ESRRG: variants seen among roughly 807,000 people sequenced by gnomAD.
ESRRG encodes the protein estrogen-related receptor gamma.
In ESRRG, 13 loss-of-function variants were observed where a neutral mutation model predicts 44.0. That is an observed-to-expected ratio of 0.30 (90% CI 0.19 to 0.47). The LOEUF (loss-of-function observed/expected upper bound fraction) is 0.47. ESRRG is among the 20% of genes least tolerant of loss of function. The pLI, the probability that ESRRG is intolerant of heterozygous loss-of-function variation, is 1.00. For synonymous variants in ESRRG, 215 were observed against 214.6 expected (o/e 1.00, Z -0.02); for missense variants, 395 against 580.6 (o/e 0.68, Z 3.29).
At chr1:216,768,092 G>T (rs746183609) in intron 2 of ESRRG, among the ~76,000 whole-genome samples, 1 of 152,070 alleles carries the variant, frequency 6.6e-6, no homozygotes, top group Non-Finnish European at 1.5e-5. Flanking sequence ...AAAGGAAGGG[G>T]TTATAATCAC....
intron 2 of ESRRG, among the ~76,000 whole-genome samples, chr1:216,801,971 A>G (rs1327281575): frequency 1.3e-5 from 2 of 152,270 alleles, no homozygotes; most frequent in East Asian, 3.9e-4. Context: ...TAAAAAGGAG[A>G]GACAAAAATG....
rs994424871 is a variant in ESRRG at position 216,560,293 on chromosome 1, A to C, written c.862+3926T>G. Among the ~76,000 whole-genome samples the C allele has an allele frequency of 6.8e-4, 103 of 152,280 alleles. 1 individual carries two copies. Among genetic ancestry groups the C allele is most frequent in the African/African-American group, 2.3e-3 (97 of 41,584 alleles). On this transcript the variant is annotated intron_variant, in intron 5 of 6. Transcript: ENST00000408911. Reference sequence around the variant, plus strand: ...ACTGAGGCCCCCCAAACTTGAGCAAAGTCCTCCTTCTTCAATGGGTAATTA... The same window carrying C: ...ACTGAGGCCCCCCAAACTTGAGCAACGTCCTCCTTCTTCAATGGGTAATTA...
chr1:216,967,702 T>C (rs1339974252), intron 1 of ESRRG, among the ~76,000 whole-genome samples: 2 of 152,228 alleles, frequency 1.3e-5, no homozygotes, highest in Non-Finnish European at 2.9e-5. Context: ...TAAGCATATG[T>C]GTGCATATTT....
intron 5 of ESRRG, among the ~76,000 whole-genome samples, chr1:216,528,142 C>T (rs2048243421): frequency 6.6e-6 from 1 of 152,206 alleles, no homozygotes; most frequent in Non-Finnish European, 1.5e-5. Context: ...CCCTCACCCA[C>T]AGAAAATACA....
At chr1:217,040,413 C>A (rs2083638601) in intron 1 of ESRRG, among the ~76,000 whole-genome samples, 1 of 152,022 alleles carries the variant, frequency 6.6e-6, no homozygotes, top group Non-Finnish European at 1.5e-5. Flanking sequence ...AGAAAAATAT[C>A]CCCCTTTTTT....
intron 2 of ESRRG, among the ~76,000 whole-genome samples, chr1:216,774,878 TG>T (rs1305178517): frequency 6.8e-6 from 1 of 146,628 alleles, no homozygotes; most frequent in African/African-American, 2.5e-5. Flanking sequence ...CACAGCTCAC[TG>T]AAGCTTTGGA....
At chr1:216,868,958 T>A (rs1026621232) in intron 2 of ESRRG, among the ~76,000 whole-genome samples, 4 of 152,226 alleles carry the variant, frequency 2.6e-5, no homozygotes, top group Non-Finnish European at 5.9e-5. Context: ...TTATTTACTC[T>A]TGTTATGAGA....
At chr1:216,706,601 A>T (rs1183736554) in intron 1 of ESRRG, among the ~76,000 whole-genome samples, 2 of 152,230 alleles carry the variant, frequency 1.3e-5, no homozygotes, top group African/African-American at 2.4e-5. Flanking sequence ...CAACATCATG[A>T]TGCCAAGCTA....
intron 1 of ESRRG, among the ~76,000 whole-genome samples, chr1:217,130,640 T>C (rs1435893271): frequency 6.6e-6 from 1 of 152,216 alleles, no homozygotes; most frequent in African/African-American, 2.4e-5. Context: ...GTAGGAGTTT[T>C]CTCTCTTCTA....
chr1:217,051,735 A>G (rs1214697317), intron 1 of ESRRG, among the ~76,000 whole-genome samples: 5 of 152,146 alleles, frequency 3.3e-5, no homozygotes, highest in African/African-American at 9.7e-5. Context: ...AACTTATCCC[A>G]TCTGGAGTCC....
chr1:217,025,692 T>C (rs1560513015), intron 1 of ESRRG, among the ~76,000 whole-genome samples: 1 of 152,200 alleles, frequency 6.6e-6, no homozygotes, highest in African/African-American at 2.4e-5. Context: ...ACAGCCCCTA[T>C]CTACTTTATA....
chr1:216,696,429 T>C (rs2080171069), intron 1 of ESRRG, among the ~76,000 whole-genome samples: 1 of 152,168 alleles, frequency 6.6e-6, no homozygotes, highest in African/African-American at 2.4e-5. Context: ...ACTCAGTAAG[T>C]GCCATGATGT....
At chr1:217,040,747 A>G (rs1240932525) in intron 1 of ESRRG, among the ~76,000 whole-genome samples, 1 of 152,170 alleles carries the variant, frequency 6.6e-6, no homozygotes, top group Non-Finnish European at 1.5e-5. Flanking sequence ...ATAACACACT[A>G]TTAGCAAAAA....
intron 3 of ESRRG, among the ~76,000 whole-genome samples, chr1:216,643,496 G>C (rs1458180358): frequency 6.6e-6 from 1 of 152,150 alleles, no homozygotes; most frequent in African/African-American, 2.4e-5. Context: ...TGGCAATTCT[G>C]GATGGATTTA....
intron 1 of ESRRG, among the ~76,000 whole-genome samples, chr1:217,123,456 A>G (rs1257499887): frequency 2.0e-5 from 3 of 152,178 alleles, no homozygotes; most frequent in Non-Finnish European, 4.4e-5. Flanking sequence ...ATGCACATGT[A>G]TGTTCATTGC....
At chr1:216,764,195 T>C (rs993183518) in intron 2 of ESRRG, among the ~76,000 whole-genome samples, 2 of 151,316 alleles carry the variant, frequency 1.3e-5, no homozygotes, top group Non-Finnish European at 2.9e-5. Context: ...TTTCTTTCTC[T>C]CCCCCACTGC....
At chr1:217,111,733 A>G (rs766449425) in intron 1 of ESRRG, among the ~76,000 whole-genome samples, 1 of 152,108 alleles carries the variant, frequency 6.6e-6, no homozygotes, top group Non-Finnish European at 1.5e-5. Context: ...TGCCACCAAT[A>G]TCTCCCTGGG....
intron 1 of ESRRG, among the ~76,000 whole-genome samples, chr1:217,131,577 T>C (rs1374287306): frequency 6.6e-6 from 1 of 152,204 alleles, no homozygotes; most frequent in African/African-American, 2.4e-5. Context: ...GACCAAGAAC[T>C]GGATGAAAGT....
At chr1:216,588,819 A>G (rs2057140307) in intron 3 of ESRRG, among the ~76,000 whole-genome samples, 1 of 152,216 alleles carries the variant, frequency 6.6e-6, no homozygotes, top group Non-Finnish European at 1.5e-5. Context: ...CAGATAATTG[A>G]TTCATTGATT....
Sources: allele counts gnomAD v4.1 joint callset (sites outside exome capture counted in the v4.1 genomes callset), GRCh38; gene constraint gnomAD v4.1.1; transcripts MANE v1.5; gene names NCBI Gene and HGNC (gene_info 2026-07-23, HGNC 2026-07-21).